The following SLC17A5 variants were observed in gnomAD, a reference collection of about 807,000 sequenced individuals.
The protein encoded by SLC17A5 is sialin.
Under a neutral mutation model 59.4 loss-of-function variants are expected in SLC17A5, and 47 were observed. The ratio of observed to expected loss-of-function variants is 0.79; its 90% CI spans 0.63 to 1.01. The LOEUF (loss-of-function observed/expected upper bound fraction) is 1.01, where lower values mean the gene tolerates loss of function less well. Ranked by LOEUF, SLC17A5 falls within the 50% of genes least tolerant of loss-of-function variation. SLC17A5 has a pLI of 0.00. For missense variants in SLC17A5, 522 were observed against 595.5 expected (o/e 0.88, Z 1.28); for synonymous variants, 202 against 210.7 (o/e 0.96, Z 0.36).
At chr6:73,609,057 A>C (rs1767524620) in intron 9 of SLC17A5, among the ~76,000 whole-genome samples, 1 of 152,230 alleles carries the variant, frequency 6.6e-6, no homozygotes, top group Non-Finnish European at 1.5e-5. Flanking sequence ...GAGGATTCAT[A>C]GAAATCAGAA....
chr6:73,603,478 TG>T (rs1767254847), intron 9 of SLC17A5, among the ~76,000 whole-genome samples: 1 of 149,388 alleles, frequency 6.7e-6, no homozygotes, highest in South Asian at 2.1e-4. Context: ...TGGAGTGCAA[TG>T]GTGTGATCTT....
chr6:73,636,295 A>C (rs1048472208), intron 5 of SLC17A5, among the ~76,000 whole-genome samples: 22 of 111,966 alleles, frequency 2.0e-4, no homozygotes, highest in Non-Finnish European at 3.1e-4. Context: ...AAAAAAAAAA[A>C]AAAACATTAA....
chr6:73,644,598 C>A lies in SLC17A5; in HGVS notation c.100G>T (p.Val34Leu). 1 of 1,612,890 alleles carries A rather than the reference C, an allele frequency of 6.2e-7. No individual in the cohort carries two copies. Among genetic ancestry groups the A allele is most frequent in the Non-Finnish European group, 8.5e-7 (1 of 1,179,536 alleles). Residue 34 changes from valine (V) to leucine (L), a missense_variant, in exon 2 of 11, where the codon GTG becomes TTG. By Grantham distance (32) the Val-to-Leu change is conservative. Coordinates refer to ENST00000355773, the MANE Select transcript of SLC17A5 (RefSeq NM_012434.5). Reference sequence around the variant, plus strand: ...AAGTTGTAACGAGCAGAGCAGCACACTGGAGCTGAAATAAAGATTGGGGAA... The same window carrying A: ...AAGTTGTAACGAGCAGAGCAGCACAATGGAGCTGAAATAAAGATTGGGGAA... ...PGAPRAEAAP[V>L]CCSARYNLAI... is the part of the protein sequence containing the mutation.
chr6:73,613,777 TATC>T (rs1767732665), intron 8 of SLC17A5, among the ~76,000 whole-genome samples: 1 of 152,246 alleles, frequency 6.6e-6, no homozygotes. Flanking sequence ...AGACTAATAT[TATC>T]ATTTTTATTT....
intron 6 of SLC17A5, among the ~76,000 whole-genome samples, chr6:73,628,206 A>G (rs569688890): frequency 9.2e-5 from 14 of 152,274 alleles, no homozygotes; most frequent in Non-Finnish European, 5.9e-5. Flanking sequence ...GGCATAAGTC[A>G]CTGCACCTGG....
In SLC17A5 at chr6:73,635,397, T is replaced by C. The variant is rs750559102; in HGVS notation, c.804A>G (p.Ser268=). ...ISHYEKEYIL[S]SLRNQLSSQK... Reference sequence around the variant, plus strand: ...AAGTCCATACCTGATTTCTTAATGATGAAAGAATGTATTCCTTTTCATAAT... The same window carrying C: ...AAGTCCATACCTGATTTCTTAATGACGAAAGAATGTATTCCTTTTCATAAT... The change falls in exon 6 of 11, where the codon TCA becomes TCG. Residue 268 remains serine (S), a synonymous_variant. Transcript: ENST00000355773. The C allele has an allele frequency of 2.3e-5, 36 of 1,566,396 alleles. No homozygotes were observed. Among genetic ancestry groups the C allele is most frequent in the Non-Finnish European group, 3.1e-5 (35 of 1,138,454 alleles).
chr6:73,636,009 G>C (rs944588416), intron 5 of SLC17A5, among the ~76,000 whole-genome samples: 3 of 152,086 alleles, frequency 2.0e-5, no homozygotes, highest in Admixed American at 2.0e-4. Flanking sequence ...AAAGTGCTGG[G>C]ATTACAGGTG....
In SLC17A5 at chr6:73,653,498, T is replaced by TCCCCCCC. The variant is rs1562004003; in HGVS notation, c.94+294_94+295insGGGGGGG. The TCCCCCCC allele has an allele frequency of 7.4e-6, 7 of 951,364 alleles. No individual in the cohort carries two copies. The African/African-American group carries it at 1.4e-4, about 19-fold the overall frequency. 58.9% of individuals were successfully genotyped at this position (951,364 alleles called of 1,614,324 possible). ...AGCTCAGCGCCGGCTGCACCGCCGCTCCCCCGCCCCCGCCCCCGCCCCCGC... is the reference window on the plus strand; with the variant it reads ...AGCTCAGCGCCGGCTGCACCGCCGCTCCCCCCCCCCCCGCCCCCGCCCCCGCCCCCGC... On this transcript the variant is annotated intron_variant, in intron 1 of 10. Transcript: ENST00000355773.
chr6:73,635,192 C>T, intron 6 of SLC17A5, 190 bp downstream of exon 6: 2 of 462,860 alleles, frequency 4.3e-6, no homozygotes, highest in Non-Finnish European at 7.7e-6. Context: ...CTAGACCTCC[C>T]CAAAGGACTG....
intron 10 of SLC17A5, among the ~76,000 whole-genome samples, chr6:73,596,044 G>C (rs990934084): frequency 1.6e-4 from 24 of 151,764 alleles, no homozygotes; most frequent in African/African-American, 5.6e-4. Context: ...GGGCTCAAGT[G>C]ATCCACTCGC....
intron 6 of SLC17A5, among the ~76,000 whole-genome samples, chr6:73,628,507 G>A (rs759191174): frequency 2.6e-5 from 4 of 152,158 alleles, no homozygotes; most frequent in Admixed American, 6.5e-5. Context: ...GGAAGCAGAG[G>A]TTGCAATGAG....
intron 7 of SLC17A5, among the ~76,000 whole-genome samples, chr6:73,616,194 T>C (rs1257275990): frequency 2.0e-5 from 3 of 152,144 alleles, no homozygotes; most frequent in African/African-American, 7.2e-5. Context: ...TCATGAGTCT[T>C]TCTAATGACC....
intron 7 of SLC17A5, among the ~76,000 whole-genome samples, chr6:73,620,218 C>T (rs190644115): frequency 9.2e-5 from 14 of 152,108 alleles, no homozygotes; most frequent in South Asian, 6.2e-4. Flanking sequence ...CCACTGGGCC[C>T]GGCTGGATTT....
chr6:73,627,162 C>T (rs1217676376), intron 6 of SLC17A5, among the ~76,000 whole-genome samples: 5 of 151,922 alleles, frequency 3.3e-5, no homozygotes, highest in African/African-American at 1.2e-4. Context: ...CTGCAACCTC[C>T]ACCTCCCAGG....
intron 2 of SLC17A5, among the ~76,000 whole-genome samples, chr6:73,643,097 T>C (rs937199144): frequency 6.6e-6 from 1 of 152,126 alleles, no homozygotes; most frequent in Non-Finnish European, 1.5e-5. Flanking sequence ...TTCATCTAAG[T>C]ATGAACTAGT....
intron 3 of SLC17A5, among the ~76,000 whole-genome samples, chr6:73,640,907 T>C (rs1433949233): frequency 1.3e-5 from 2 of 152,114 alleles, no homozygotes; most frequent in African/African-American, 2.4e-5. Context: ...TATAAAATCA[T>C]AAAATATTTG....
At chr6:73,599,163 C>T (rs1426885030) in intron 10 of SLC17A5, among the ~76,000 whole-genome samples, 10 of 152,056 alleles carry the variant, frequency 6.6e-5, no homozygotes, top group African/African-American at 1.7e-4. Context: ...GACTGGGCAA[C>T]GGAGTGCGAA....
chr6:73,617,172 TCC>T (rs1767911922), intron 7 of SLC17A5, among the ~76,000 whole-genome samples: 1 of 151,980 alleles, frequency 6.6e-6, no homozygotes, highest in Admixed American at 6.6e-5. Flanking sequence ...ATGACTGTAA[TCC>T]CAGTTACTTG....
At chr6:73,644,688 T>A in intron 1 of SLC17A5, 85 bp from the exon 2 acceptor site, 2 of 1,314,334 alleles carry the variant, frequency 1.5e-6, no homozygotes, top group Non-Finnish European at 2.1e-6. Context: ...CTTAGGCTGG[T>A]CTTGAACTCC....
Sources: allele counts gnomAD v4.1 joint callset (sites outside exome capture counted in the v4.1 genomes callset), GRCh38; gene constraint gnomAD v4.1.1; transcripts MANE v1.5; gene names NCBI Gene and HGNC (gene_info 2026-07-23, HGNC 2026-07-21).